The following SPATA21 variants were observed in gnomAD, a reference collection of about 807,000 sequenced individuals.
SPATA21 encodes spermatogenesis associated 21.
Under a neutral mutation model 54.8 loss-of-function variants are expected in SPATA21, and 47 were observed. The ratio of observed to expected loss-of-function variants is 0.86; its 90% CI spans 0.68 to 1.09. The LOEUF (loss-of-function observed/expected upper bound fraction) is 1.09, where lower values mean the gene tolerates loss of function less well. Ranked by LOEUF, SPATA21 falls within the 50% of genes least tolerant of loss-of-function variation. The probability of loss-of-function intolerance (pLI) is 0.00; values close to 1 mark genes in which losing one functional copy is unlikely to be tolerated. For synonymous variants in SPATA21, 245 were observed against 235.3 expected, an observed-to-expected ratio of 1.04 and a Z score of -0.38; for missense variants, 599 against 596.4, an observed-to-expected ratio of 1.00 and a Z score of -0.05.
chr1:16,421,522 G>A lies in SPATA21; in HGVS notation c.131C>T (p.Pro44Leu), dbSNP rs1368884262. Reference protein sequence around the residue: ...EAVETHPAPGPLPPPEVRDIG... With the variant: ...EAVETHPAPGLLPPPEVRDIG... ...GGCCCTACTTACTGGTGGAGGAAGA[G>A]GCCCCGGTGCTGGGTGGGTCTCCAC... Residue 44 changes from proline (P) to leucine (L), a missense_variant, in exon 5 of 13, where the codon CCT becomes CTT. Transcript: ENST00000335496. This position sits in a 1 kb window ranked among gnomAD's most constrained non-coding sequence, Gnocchi z 5.2. 6 of 1,613,394 alleles carry A rather than the reference G, an allele frequency of 3.7e-6. No homozygotes were observed. The African/African-American group carries it at 6.7e-5, about 18-fold the overall frequency.
rs989978023 is a variant in SPATA21 at position 16,431,670 on chromosome 1, A to G, written c.-51-248T>C. Among the ~76,000 whole-genome samples the G allele has an allele frequency of 2.0e-4, 30 of 152,150 alleles. 1 individual carries two copies. The highest frequency in any genetic ancestry group is 1.6e-3 in the Admixed American group (24 of 15,276). ...AAGGCACAAGACTTGCCCAAGATCTAACACCTGCTAGGTCGCAGACGAGGA... is the reference window on the plus strand; with the variant it reads ...AAGGCACAAGACTTGCCCAAGATCTGACACCTGCTAGGTCGCAGACGAGGA... On this transcript the variant is annotated intron_variant, in intron 2 of 12. Transcript: ENST00000335496.
At chr1:16,398,882 T>C in intron 12 of SPATA21, 60 bp from the exon 13 acceptor site, 2 of 1,548,380 alleles carry the variant, frequency 1.3e-6, no homozygotes, top group Non-Finnish European at 1.8e-6. Flanking sequence ...TATCTGCCAG[T>C]ATATGAGCCA....
intron 3 of SPATA21, chr1:16,427,737 AG>A: frequency 1.0e-6 from 1 of 1,003,786 alleles, no homozygotes; most frequent in Non-Finnish European, 1.4e-6. Flanking sequence ...ATGAAAGAGA[AG>A]GACAAGGTGC....
At chr1:16,411,594 T>C (rs1407554885) in intron 5 of SPATA21, among the ~76,000 whole-genome samples, 3 of 151,828 alleles carry the variant, frequency 2.0e-5, no homozygotes, top group Non-Finnish European at 4.4e-5. Context: ...ATCGAGACCA[T>C]CTTGACTAAC....
intron 3 of SPATA21, among the ~76,000 whole-genome samples, chr1:16,424,150 AAAAT>A (rs1215820927): frequency 2.1e-5 from 3 of 146,220 alleles, no homozygotes; most frequent in Non-Finnish European, 4.5e-5. Context: ...GAAGCTGTTA[AAAAT>A]AAATCTTACC....
intron 7 of SPATA21, among the ~76,000 whole-genome samples, chr1:16,407,967 A>G (rs1358008971): frequency 6.6e-6 from 1 of 151,956 alleles, no homozygotes; most frequent in East Asian, 1.9e-4. Flanking sequence ...GGGTCTTACT[A>G]TGTTGCTTAG....
chr1:16,403,216 C>T (rs771316298), intron 10 of SPATA21, among the ~76,000 whole-genome samples: 1 of 152,152 alleles, frequency 6.6e-6, no homozygotes, highest in Non-Finnish European at 1.5e-5. Flanking sequence ...AATTCCTTTC[C>T]TGGGACTGCT....
At chr1:16,432,116 T>TCTTCTTCTTCTTCTTCTTC (rs201347435) in intron 2 of SPATA21, among the ~76,000 whole-genome samples, 2 of 64,890 alleles carry the variant, frequency 3.1e-5, no homozygotes, top group Admixed American at 1.5e-4. Flanking sequence ...TTCTTCTTCT[T>TCTTCTTCTTCTTCTTCTTC]TTTTTTTTTT....
At chr1:16,422,290 C>T in intron 3 of SPATA21, 1 of 1,189,754 alleles carries the variant, frequency 8.4e-7, no homozygotes, top group Non-Finnish European at 1.1e-6. Flanking sequence ...TTATTACACA[C>T]TTACTAGGGT....
intron 7 of SPATA21, among the ~76,000 whole-genome samples, chr1:16,408,910 C>G (rs993692829): frequency 1.3e-5 from 2 of 151,670 alleles, no homozygotes; most frequent in African/African-American, 4.8e-5. Flanking sequence ...GAGTTCTGGC[C>G]CCCCCAACCC....
downstream of SPATA21, chr1:16,396,267 A>T (rs2085309882): frequency 3.9e-5 from 6 of 152,316 alleles, no homozygotes; most frequent in Admixed American, 3.3e-4. Flanking sequence ...GCAGTGCTCC[A>T]TCTCCATTGG....
At chr1:16,400,656 G>T in intron 11 of SPATA21, 64 bp downstream of exon 11, 1 of 1,533,000 alleles carries the variant, frequency 6.5e-7, no homozygotes, top group South Asian at 1.3e-5. Flanking sequence ...AAGGAAAGGA[G>T]ACCAGATGGG....
chr1:16,410,339 A>T (rs2085803793), intron 5 of SPATA21, among the ~76,000 whole-genome samples: 2 of 151,860 alleles, frequency 1.3e-5, no homozygotes, highest in Admixed American at 6.6e-5. Flanking sequence ...TTGACCTTCC[A>T]GGCTCGAGTG....
chr1:16,425,862 T>G, intron 3 of SPATA21: 1 of 731,698 alleles, frequency 1.4e-6, no homozygotes. Context: ...TCACAGGAAT[T>G]CCCCAAATCA....
At chr1:16,434,039 C>G (rs2086525559) in intron 1 of SPATA21, among the ~76,000 whole-genome samples, 1 of 152,126 alleles carries the variant, frequency 6.6e-6, no homozygotes, top group African/African-American at 2.4e-5. Context: ...TAGGTAACCA[C>G]TAATCTACTT....
At chr1:16,398,858 T>C (rs1376608687) in intron 12 of SPATA21, 36 bp from the exon 13 acceptor site, 1 of 1,597,954 alleles carries the variant, frequency 6.3e-7, no homozygotes, top group Non-Finnish European at 8.5e-7. Flanking sequence ...GTGGGAGACA[T>C]GTGGCCCTTT....
intron 5 of SPATA21, among the ~76,000 whole-genome samples, chr1:16,410,393 G>A (rs1387745409): frequency 1.3e-5 from 2 of 151,036 alleles, no homozygotes; most frequent in Non-Finnish European, 2.9e-5. Flanking sequence ...CTACAGCCGC[G>A]CACTACAACG....
intron 5 of SPATA21, among the ~76,000 whole-genome samples, chr1:16,418,838 G>T (rs538165434): frequency 5.3e-5 from 8 of 152,262 alleles, no homozygotes; most frequent in African/African-American, 1.9e-4. Context: ...CACTGCATCC[G>T]GCCTAGTTCT....
intron 3 of SPATA21, among the ~76,000 whole-genome samples, chr1:16,423,949 A>G (rs938536264): frequency 6.6e-6 from 1 of 151,774 alleles, no homozygotes; most frequent in South Asian, 2.1e-4. Context: ...ACAAATCTAT[A>G]GTGATAGTTG....
Sources: gnomAD v4.1 joint callset for allele counts (sites outside exome capture counted in the v4.1 genomes callset) on GRCh38, gnomAD v4.1.1 for gene constraint, Gnocchi (gnomAD v3.1) non-coding constraint, MANE v1.5 for transcripts, NCBI Gene and HGNC (gene_info 2026-07-23, HGNC 2026-07-21) for gene names.